NEXMIF: variants seen among roughly 807,000 people sequenced by gnomAD.
NEXMIF encodes XLMR protein related to neurite extension.
Under a neutral mutation model 62.1 loss-of-function variants are expected in NEXMIF, and 8 were observed. The ratio of observed to expected loss-of-function variants is 0.13; its 90% CI spans 0.08 to 0.23. NEXMIF has a LOEUF of 0.23. Among genes scored for constraint, NEXMIF ranks in the 10% least tolerant of loss-of-function variants. NEXMIF has a pLI of 1.00. For missense variants in NEXMIF, 976 were observed against 1,113.3 expected, an observed-to-expected ratio of 0.88 and a Z score of 1.75; for synonymous variants, 404 against 416.6, an observed-to-expected ratio of 0.97 and a Z score of 0.37.
At chrX:74,807,566 G>A (rs1299510845) in intron 1 of NEXMIF, among the ~76,000 whole-genome samples, 1 of 110,852 alleles carries the variant, frequency 9.0e-6, no homozygotes, top group Non-Finnish European at 1.9e-5. Context: ...AGGTTCAAGC[G>A]ATTCTCCTGC....
intron 1 of NEXMIF, among the ~76,000 whole-genome samples, chrX:74,847,998 T>C (rs2080498701): frequency 9.0e-6 from 1 of 110,562 alleles, no homozygotes; most frequent in Admixed American, 9.6e-5. Flanking sequence ...AAGGCACAAT[T>C]ATTTACTTGC....
intron 1 of NEXMIF, among the ~76,000 whole-genome samples, chrX:74,787,470 T>C (rs750877798): frequency 9.0e-6 from 1 of 110,909 alleles, no homozygotes; most frequent in South Asian, 3.8e-4. Flanking sequence ...AATTGTAAAA[T>C]GAAGGGTAGA....
In NEXMIF at chrX:74,735,305, A is replaced by C. The variant is rs2080082342; in HGVS notation, c.*4100T>G. ...TCAGCATAAAAACTTAGCTCTCTTC[A>C]ATTCTTGGAACTGTTCTGAGAGCAT... On this transcript the variant is annotated 3_prime_UTR_variant, in exon 4 of 4. Coordinates refer to ENST00000055682, the MANE Select transcript of NEXMIF (RefSeq NM_001008537.3). 8.9e-6 allele frequency: 1 copy of C among 111,754 alleles called. No individual in the cohort carries two copies. The allele number at this position is 111,754 out of a possible 1,213,427, so 9.2% of individuals were successfully genotyped here.
intron 1 of NEXMIF, among the ~76,000 whole-genome samples, chrX:74,840,695 T>C (rs1183901807): frequency 2.7e-5 from 3 of 112,040 alleles, no homozygotes; most frequent in African/African-American, 9.7e-5. Flanking sequence ...CAATCTTCTG[T>C]ATATGGCTAG....
intron 1 of NEXMIF, among the ~76,000 whole-genome samples, chrX:74,888,231 T>C (rs1375596016): frequency 9.3e-6 from 1 of 107,824 alleles, no homozygotes; most frequent in Non-Finnish European, 1.9e-5. Flanking sequence ...ATGGCACATG[T>C]ATACATATGT....
chrX:74,758,912 T>G (rs942859423), intron 1 of NEXMIF, among the ~76,000 whole-genome samples: 1 of 112,543 alleles, frequency 8.9e-6, no homozygotes, highest in Non-Finnish European at 1.9e-5. Flanking sequence ...CCTTTGCATA[T>G]ATACCCAGTA....
At chrX:74,807,532 G>A (rs1219613198) in intron 1 of NEXMIF, among the ~76,000 whole-genome samples, 1 of 109,927 alleles carries the variant, frequency 9.1e-6, no homozygotes, top group African/African-American at 3.3e-5. Context: ...GCGCCATCTT[G>A]GCTCACTGCA....
chrX:74,916,464 G>A (rs1015681271), intron 1 of NEXMIF, among the ~76,000 whole-genome samples: 6 of 111,540 alleles, frequency 5.4e-5, no homozygotes, highest in African/African-American at 2.0e-4. Context: ...ATGGATTAAT[G>A]GATTAATAGG....
chrX:74,836,964 T>C (rs890230625), intron 1 of NEXMIF, among the ~76,000 whole-genome samples: 1 of 111,181 alleles, frequency 9.0e-6, no homozygotes, highest in Admixed American at 9.5e-5. Context: ...GAGAGTGGAG[T>C]TCTGACTGAT....
At chrX:74,834,863 T>C (rs901806830) in intron 1 of NEXMIF, among the ~76,000 whole-genome samples, 1 of 111,929 alleles carries the variant, frequency 8.9e-6, no homozygotes, top group Non-Finnish European at 1.9e-5. Flanking sequence ...TGGGAAGTTC[T>C]TTGATATTAT....
intron 1 of NEXMIF, among the ~76,000 whole-genome samples, chrX:74,794,557 G>A (rs962939223): frequency 2.7e-5 from 3 of 112,322 alleles, no homozygotes; most frequent in East Asian, 2.8e-4. Flanking sequence ...GGGCAATGGC[G>A]AGCGCCCCTC....
At chrX:74,873,908 G>A (rs1162878475) in intron 1 of NEXMIF, among the ~76,000 whole-genome samples, 1 of 111,199 alleles carries the variant, frequency 9.0e-6, no homozygotes, top group Non-Finnish European at 1.9e-5. Context: ...TGTCAGATGA[G>A]TAGGTTGCAA....
chrX:74,899,334 C>T (rs1482231299), intron 1 of NEXMIF, among the ~76,000 whole-genome samples: 1 of 111,031 alleles, frequency 9.0e-6, no homozygotes, highest in African/African-American at 3.3e-5. Context: ...CCCTAAAGAT[C>T]GTCCCCCAAA....
intron 1 of NEXMIF, among the ~76,000 whole-genome samples, chrX:74,801,918 C>T (rs1391169844): frequency 8.9e-6 from 1 of 112,286 alleles, no homozygotes; most frequent in Non-Finnish European, 1.9e-5. Flanking sequence ...TGGTGCTAGT[C>T]TGGCAGTACT....
intron 1 of NEXMIF, among the ~76,000 whole-genome samples, chrX:74,800,127 A>C (rs1363025394): frequency 1.8e-5 from 2 of 111,684 alleles, no homozygotes; most frequent in African/African-American, 6.5e-5. Flanking sequence ...GCCACAAAAT[A>C]ATTCTCAATA....
At chrX:74,892,879 TTAGAG>T (rs1289071272) in intron 1 of NEXMIF, among the ~76,000 whole-genome samples, 1 of 111,923 alleles carries the variant, frequency 8.9e-6, no homozygotes, top group Non-Finnish European at 1.9e-5. Context: ...TTTCTACGAA[TTAGAG>T]TATTTTTGAG....
chrX:74,787,306 AG>A (rs2080264163), intron 1 of NEXMIF, among the ~76,000 whole-genome samples: 1 of 107,611 alleles, frequency 9.3e-6, no homozygotes, highest in South Asian at 4.0e-4. Context: ...AAAAAAAAAA[AG>A]ATTGAAGCTA....
At chrX:74,827,777 G>A (rs770296132) in intron 1 of NEXMIF, among the ~76,000 whole-genome samples, 16 of 111,476 alleles carry the variant, frequency 1.4e-4, no homozygotes, top group African/African-American at 5.2e-4. Flanking sequence ...ACAATTAGTT[G>A]TCAAAAGCCA....
intron 1 of NEXMIF, among the ~76,000 whole-genome samples, chrX:74,824,659 T>C (rs1309473980): frequency 9.2e-6 from 1 of 108,915 alleles, no homozygotes; most frequent in Non-Finnish European, 1.9e-5. Context: ...TTAGTTTTTT[T>C]TTTTTTTGAG....
Sources: gnomAD v4.1 joint callset for allele counts (sites outside exome capture counted in the v4.1 genomes callset) on GRCh38, gnomAD v4.1.1 for gene constraint, MANE v1.5 for transcripts, NCBI Gene and HGNC (gene_info 2026-07-23, HGNC 2026-07-21) for gene names.